Variants in LOC128092252 observed in about 807,000 individuals in gnomAD.
chr15:50,669,698 T>A, the LOC128092252 span, among the ~76,000 whole-genome samples: 1 of 152,112 alleles, frequency 6.6e-6, no homozygotes, highest in Non-Finnish European at 1.5e-5. Context: ...TCTAGTCTCA[T>A]CAGTTGTTTG....
the LOC128092252 span, among the ~76,000 whole-genome samples, chr15:50,654,860 G>T: frequency 6.7e-6 from 1 of 150,036 alleles, no homozygotes; most frequent in Non-Finnish European, 1.5e-5. Flanking sequence ...AACTACCCGG[G>T]TGTGGCAGCA....
chr15:50,673,634 G>GTATATATATATATATA, the LOC128092252 span, among the ~76,000 whole-genome samples: 2 of 150,430 alleles, frequency 1.3e-5, no homozygotes, highest in African/African-American at 4.9e-5. Context: ...GTATTCCCTC[G>GTATATATATATATATA]TATATATATA....
At chr15:50,660,931 G>GTATA in the LOC128092252 span, among the ~76,000 whole-genome samples, 1 of 150,990 alleles carries the variant, frequency 6.6e-6, no homozygotes, top group African/African-American at 2.4e-5. Flanking sequence ...AGTAGAACAG[G>GTATA]TATATAAATT....
At chr15:50,673,987 G>T in the LOC128092252 span, among the ~76,000 whole-genome samples, 1 of 151,964 alleles carries the variant, frequency 6.6e-6, no homozygotes, top group Non-Finnish European at 1.5e-5. Flanking sequence ...ATTGCATTCT[G>T]GTTTTCTGTT....
chr15:50,662,005 G>C, the LOC128092252 span, among the ~76,000 whole-genome samples: 1 of 151,950 alleles, frequency 6.6e-6, no homozygotes, highest in Non-Finnish European at 1.5e-5. Flanking sequence ...ATGACCTCAG[G>C]TCAGGGGTTC....
At chr15:50,686,613 C>A in the LOC128092252 span, 1 of 1,572,176 alleles carries the variant, frequency 6.4e-7, no homozygotes, top group Non-Finnish European at 8.6e-7. Flanking sequence ...TATCGGGAAG[C>A]GTCTCCGGAG....
chr15:50,672,624 A>C, the LOC128092252 span, among the ~76,000 whole-genome samples: 2 of 151,910 alleles, frequency 1.3e-5, no homozygotes, highest in Admixed American at 1.3e-4. Flanking sequence ...AAATAGAAAA[A>C]AGTAGCCAGG....
chr15:50,662,709 C>A, the LOC128092252 span, among the ~76,000 whole-genome samples: 1 of 152,248 alleles, frequency 6.6e-6, no homozygotes, highest in East Asian at 1.9e-4. Context: ...ACACTATGAT[C>A]TGAGGGAGTT....
the LOC128092252 span, among the ~76,000 whole-genome samples, chr15:50,662,020 C>A: frequency 6.6e-6 from 1 of 151,910 alleles, no homozygotes; most frequent in Non-Finnish European, 1.5e-5. Flanking sequence ...GGGTTCAAGA[C>A]CAGCCTGGCC....
chr15:50,680,407 T>G, the LOC128092252 span, among the ~76,000 whole-genome samples: 1 of 150,620 alleles, frequency 6.6e-6, no homozygotes, highest in Non-Finnish European at 1.5e-5. Flanking sequence ...AAAATAAAAA[T>G]AAAAACACAA....
the LOC128092252 span, among the ~76,000 whole-genome samples, chr15:50,674,344 C>T: frequency 4.6e-5 from 7 of 152,062 alleles, no homozygotes; most frequent in East Asian, 1.4e-3. Context: ...GTTGGTCAGG[C>T]TTTTCTTGAA....
the LOC128092252 span, among the ~76,000 whole-genome samples, chr15:50,665,894 G>C: frequency 1.3e-5 from 2 of 152,122 alleles, no homozygotes; most frequent in African/African-American, 4.8e-5. Flanking sequence ...TCGAGAGACT[G>C]AGGCAGGAGA....
At chr15:50,673,224 T>C in the LOC128092252 span, among the ~76,000 whole-genome samples, 12 of 152,286 alleles carry the variant, frequency 7.9e-5, no homozygotes, top group African/African-American at 2.6e-4. Flanking sequence ...ACAAGCTCCA[T>C]TCACAGTAAA....
chr15:50,651,750 C>A, the LOC128092252 span, among the ~76,000 whole-genome samples: 59 of 151,772 alleles, frequency 3.9e-4, no homozygotes, highest in African/African-American at 1.3e-3. Flanking sequence ...ATAAGCTGGG[C>A]GTCGTGGCAG....
At chr15:50,679,131 C>A in the LOC128092252 span, among the ~76,000 whole-genome samples, 2 of 145,420 alleles carry the variant, frequency 1.4e-5, no homozygotes, top group East Asian at 3.9e-4. Context: ...CTCAGCCTTC[C>A]AAAGTGCTGG....
the LOC128092252 span, among the ~76,000 whole-genome samples, chr15:50,683,233 T>TAA: frequency 6.8e-6 from 1 of 147,916 alleles, no homozygotes; most frequent in Non-Finnish European, 1.5e-5. Flanking sequence ...GGCAGTCACT[T>TAA]AAAAAAAAAA....
the LOC128092252 span, among the ~76,000 whole-genome samples, chr15:50,679,539 T>TATATATA: frequency 9.0e-5 from 2 of 22,306 alleles, no homozygotes; most frequent in South Asian, 1.2e-3. Flanking sequence ...TATATATATA[T>TATATATA]TTTTTTTTTT....
the LOC128092252 span, among the ~76,000 whole-genome samples, chr15:50,669,088 G>A: frequency 3.3e-5 from 5 of 152,108 alleles, no homozygotes; most frequent in African/African-American, 1.2e-4. Context: ...CTCAAGAAGA[G>A]AGAAATTTAC....
the LOC128092252 span, among the ~76,000 whole-genome samples, chr15:50,663,875 A>T: frequency 6.6e-6 from 1 of 152,188 alleles, no homozygotes; most frequent in Admixed American, 6.6e-5. Flanking sequence ...AGGCAGGAGG[A>T]TCGCCTAAGC....
Sources: allele counts gnomAD v4.1 joint callset (sites outside exome capture counted in the v4.1 genomes callset), GRCh38; gene constraint gnomAD v4.1.1; transcripts MANE v1.5.